ANKIB1: variants seen among roughly 807,000 people sequenced by gnomAD.
The protein encoded by ANKIB1 is ankyrin repeat and IBR domain containing 1.
ANKIB1 carries 43 observed loss-of-function variants against 122.1 expected under a neutral mutation model. The observed-to-expected ratio is 0.35, with a 90% confidence interval of 0.28 to 0.45. ANKIB1 has a LOEUF of 0.45. ANKIB1 is among the 20% of genes least tolerant of loss of function. The pLI, the probability that ANKIB1 is intolerant of heterozygous loss-of-function variation, is 1.00. For synonymous variants in ANKIB1, 390 were observed against 442.0 expected, an observed-to-expected ratio of 0.88 and a Z score of 1.48; for missense variants, 992 against 1,329.5, an observed-to-expected ratio of 0.75 and a Z score of 3.95.
intron 1 of ANKIB1, among the ~76,000 whole-genome samples, chr7:92,279,503 T>G (rs962486477): frequency 2.0e-5 from 3 of 152,108 alleles, no homozygotes; most frequent in Admixed American, 2.0e-4. Context: ...ACCCAGACAA[T>G]CCAGCTGGCA....
At chr7:92,303,771 G>A (rs1485764505) in intron 2 of ANKIB1, among the ~76,000 whole-genome samples, 1 of 152,154 alleles carries the variant, frequency 6.6e-6, no homozygotes, top group Non-Finnish European at 1.5e-5. Flanking sequence ...GGACAATGAT[G>A]AATAAGTTAG....
intron 1 of ANKIB1, among the ~76,000 whole-genome samples, chr7:92,268,529 G>A (rs578213590): frequency 1.3e-5 from 2 of 152,324 alleles, no homozygotes; most frequent in African/African-American, 4.8e-5. Flanking sequence ...CCAGGCTGGA[G>A]TGCAGTGGCG....
chr7:92,260,228 T>C (rs1801536254), intron 1 of ANKIB1, among the ~76,000 whole-genome samples: 1 of 152,198 alleles, frequency 6.6e-6, no homozygotes, highest in Non-Finnish European at 1.5e-5. Flanking sequence ...ACTAGTTTCT[T>C]CCTTACTCTC....
chr7:92,253,364 G>A (rs969333046), intron 1 of ANKIB1, among the ~76,000 whole-genome samples: 1 of 152,092 alleles, frequency 6.6e-6, no homozygotes, highest in Non-Finnish European at 1.5e-5. Context: ...CATTAACTGA[G>A]GGGCCTGCTG....
chr7:92,275,018 C>T (rs551758005), intron 1 of ANKIB1, among the ~76,000 whole-genome samples: 1 of 152,234 alleles, frequency 6.6e-6, no homozygotes, highest in Non-Finnish European at 1.5e-5. Flanking sequence ...TTTTGGTGTT[C>T]TTTAACAAAA....
chr7:92,267,915 G>A (rs1039238992), intron 1 of ANKIB1, among the ~76,000 whole-genome samples: 1 of 152,130 alleles, frequency 6.6e-6, no homozygotes, highest in Non-Finnish European at 1.5e-5. Context: ...TGGAAAGGAA[G>A]GGAAGGTTTT....
At chr7:92,302,074 C>T (rs1802468725) in intron 2 of ANKIB1, among the ~76,000 whole-genome samples, 1 of 151,966 alleles carries the variant, frequency 6.6e-6, no homozygotes, top group Non-Finnish European at 1.5e-5. Context: ...GCTGGGATTA[C>T]AGGTGCCTGC....
chr7:92,398,637 C>T lies in ANKIB1; in HGVS notation c.2958C>T (p.Ala986=). The T allele has an allele frequency of 1.2e-6, 2 of 1,613,910 alleles. No homozygotes were observed. The highest frequency in any genetic ancestry group is 1.7e-6 in the Non-Finnish European group (2 of 1,179,848). The stretch of plus-strand genomic sequence containing the variant: ...ATGACATGAACCCTCAGAGTATTGC[C>T]CTGATTCCTCCAGCAACTACAGAAA... ...WFHDMNPQSI[A]LIPPATTEIS... Residue 986 remains alanine (A), a synonymous_variant, in exon 20 of 20, where the codon GCC becomes GCT. Coordinates refer to ENST00000265742, the MANE Select transcript of ANKIB1 (RefSeq NM_019004.2).
chr7:92,316,930 G>T (rs564392435), intron 3 of ANKIB1, among the ~76,000 whole-genome samples: 9 of 152,284 alleles, frequency 5.9e-5, no homozygotes, highest in African/African-American at 2.2e-4. Context: ...GGTAATATCT[G>T]TTGCAAAGTA....
chr7:92,308,493 A>G (rs1051873871), intron 3 of ANKIB1, among the ~76,000 whole-genome samples: 11 of 152,110 alleles, frequency 7.2e-5, no homozygotes, highest in Admixed American at 3.3e-4. Context: ...TAACAAATAC[A>G]TTTATTGGAG....
chr7:92,280,759 A>G (rs1801998403), intron 1 of ANKIB1, among the ~76,000 whole-genome samples: 2 of 152,286 alleles, frequency 1.3e-5, no homozygotes, highest in South Asian at 2.1e-4. Flanking sequence ...CTCGCTGACA[A>G]CTTTTATCTC....
chr7:92,294,530 A>G (rs1223375827), intron 1 of ANKIB1: 1 of 181,624 alleles, frequency 5.5e-6, no homozygotes, highest in East Asian at 1.3e-4. Flanking sequence ...AGATTTATAC[A>G]TAATTTATAC....
At chr7:92,384,089 C>A (rs1292094159) in intron 11 of ANKIB1, among the ~76,000 whole-genome samples, 1 of 152,176 alleles carries the variant, frequency 6.6e-6, no homozygotes, top group Non-Finnish European at 1.5e-5. Context: ...TTCTTAAACA[C>A]CAATAACAGA....
intron 5 of ANKIB1, among the ~76,000 whole-genome samples, chr7:92,332,204 G>A (rs747408104): frequency 6.6e-6 from 1 of 152,272 alleles, no homozygotes; most frequent in South Asian, 2.1e-4. Flanking sequence ...TGGTATCAAT[G>A]ACATTTGATA....
intron 2 of ANKIB1, among the ~76,000 whole-genome samples, chr7:92,297,833 CAGTT>C (rs1217838224): frequency 3.9e-5 from 6 of 152,174 alleles, no homozygotes; most frequent in East Asian, 1.9e-4. Context: ...TCATTCTACT[CAGTT>C]AGCCTATTCT....
At chr7:92,358,656 C>T (rs982323446) in intron 9 of ANKIB1, among the ~76,000 whole-genome samples, 4 of 149,336 alleles carry the variant, frequency 2.7e-5, no homozygotes, top group South Asian at 2.1e-4. Flanking sequence ...TATTTACCAG[C>T]GTTGATTCTG....
At chr7:92,270,909 T>C (rs974316552) in intron 1 of ANKIB1, among the ~76,000 whole-genome samples, 11 of 152,098 alleles carry the variant, frequency 7.2e-5, no homozygotes, top group Admixed American at 5.2e-4. Context: ...AGTTTTTCTT[T>C]TCATTCTGTT....
intron 1 of ANKIB1, among the ~76,000 whole-genome samples, chr7:92,275,969 A>G (rs1801894455): frequency 6.6e-6 from 1 of 152,160 alleles, no homozygotes; most frequent in Non-Finnish European, 1.5e-5. Context: ...TTATATCATA[A>G]CCTTATATAC....
At chr7:92,308,173 G>A (rs537943815) in intron 3 of ANKIB1, among the ~76,000 whole-genome samples, 23 of 151,922 alleles carry the variant, frequency 1.5e-4, no homozygotes, top group Non-Finnish European at 2.8e-4. Flanking sequence ...CCCAACCAAC[G>A]GCCTCTTTTA....
Sources: allele counts gnomAD v4.1 joint callset (sites outside exome capture counted in the v4.1 genomes callset), GRCh38; gene constraint gnomAD v4.1.1; transcripts MANE v1.5; gene names NCBI Gene and HGNC (gene_info 2026-07-23, HGNC 2026-07-21).